The following CDKL5 variants were observed in gnomAD, a reference collection of about 807,000 sequenced individuals.
The protein encoded by CDKL5 is cyclin dependent kinase like 5.
A neutral mutation model predicts 61.7 loss-of-function variants in CDKL5; 8 were observed. The observed-to-expected ratio is 0.13, with a 90% CI of 0.08 to 0.23. The LOEUF is 0.23. Ranked by LOEUF, CDKL5 falls within the 10% of genes least tolerant of loss-of-function variation. CDKL5 has a pLI of 1.00. For missense variants in CDKL5, 440 were observed against 734.5 expected (o/e 0.60, Z 4.63); for synonymous variants, 275 against 272.3 (o/e 1.01, Z -0.10).
At chrX:18,612,278 G>A (rs1446942052) in intron 14 of CDKL5, among the ~76,000 whole-genome samples, 2 of 111,786 alleles carry the variant, frequency 1.8e-5, no homozygotes, top group Non-Finnish European at 3.8e-5. Flanking sequence ...ACTAAGAATA[G>A]ATTTTACATT....
chrX:18,591,568 C>T (rs1925831919), intron 9 of CDKL5, among the ~76,000 whole-genome samples: 1 of 111,337 alleles, frequency 9.0e-6, no homozygotes, highest in South Asian at 3.8e-4. Context: ...TGTTTAGAAA[C>T]CTCTACAAGG....
At chrX:18,429,128 G>A (rs1429576091) in intron 1 of CDKL5, among the ~76,000 whole-genome samples, 1 of 111,390 alleles carries the variant, frequency 9.0e-6, no homozygotes, top group African/African-American at 3.3e-5. Flanking sequence ...GTTGGTGGGC[G>A]TGAAAGCTGA....
At chrX:18,452,288 T>C (rs1324459146) in intron 1 of CDKL5, among the ~76,000 whole-genome samples, 2 of 112,246 alleles carry the variant, frequency 1.8e-5, no homozygotes, top group Non-Finnish European at 3.8e-5. Flanking sequence ...TTGGTTGTCT[T>C]AGATAGTGAA....
At chrX:18,522,201 T>C (rs2147102823) in intron 3 of CDKL5, among the ~76,000 whole-genome samples, 1 of 111,003 alleles carries the variant, frequency 9.0e-6, no homozygotes, top group Admixed American at 9.7e-5. Flanking sequence ...GTTTAACTTC[T>C]TTTAGCAATG....
chrX:18,633,402 C>T lies in CDKL5; in HGVS notation c.*4645C>T, dbSNP rs1927287839. 3 of 751,853 alleles carry T rather than the reference C, an allele frequency of 4.0e-6. No homozygotes were observed. Among genetic ancestry groups the T allele is most frequent in the South Asian group, 6.8e-5 (1 of 14,680 alleles). The allele number at this position is 751,853 out of a possible 1,213,427, so 62.0% of individuals were successfully genotyped here. The stretch of plus-strand genomic sequence containing the variant: ...AGTACAAAGGTTGTAAGTGTCCTGT[C>T]GCTAATTCCCAGGGCCAGAATCTCA... On this transcript the variant is annotated 3_prime_UTR_variant, in exon 18 of 18. Transcript: ENST00000623535.
intron 9 of CDKL5, among the ~76,000 whole-genome samples, chrX:18,594,274 A>G (rs1925920618): frequency 8.9e-6 from 1 of 112,107 alleles, no homozygotes; most frequent in South Asian, 3.7e-4. Flanking sequence ...TCTGCCAGTC[A>G]TATTACCCAA....
chrX:18,551,954 A>G (rs1209136316), intron 3 of CDKL5, among the ~76,000 whole-genome samples: 1 of 110,291 alleles, frequency 9.1e-6, no homozygotes, highest in Non-Finnish European at 1.9e-5. Context: ...TGTCCTTAAA[A>G]AAACCGAAAT....
At chrX:18,502,414 A>G (rs937799010) in intron 1 of CDKL5, among the ~76,000 whole-genome samples, 9 of 112,088 alleles carry the variant, frequency 8.0e-5, no homozygotes. Context: ...CCAGTGAACT[A>G]AAGTTTTCTA....
rs377661443 is a variant in CDKL5 at position 18,591,804 on chromosome X, A to AAAT, written c.745-3543_745-3541dup. 6.4e-3 allele frequency among the ~76,000 whole-genome samples: 708 copies of AAAT among 111,373 alleles called. 8 individuals are homozygous for AAAT. The highest frequency in any genetic ancestry group is 0.021 in the African/African-American group (657 of 30,631). ...CTCCTTCCTCCCCTAGACTCAGGCC[A>AAAT]AATGTCCTCCCTCCGTGAAGACCTT... On this transcript the variant is annotated intron_variant, in intron 9 of 17. Coordinates refer to ENST00000623535, the MANE Select transcript of CDKL5 (RefSeq NM_001323289.2).
chrX:18,598,391 A>C, intron 10 of CDKL5, 71 bp from the exon 11 acceptor site: 1 of 880,584 alleles, frequency 1.1e-6, no homozygotes, highest in Non-Finnish European at 1.7e-6. Flanking sequence ...TAAGGAAAAA[A>C]ATAAGGTTTT....
Position 18,483,583 on chromosome X carries a change from A to AT in CDKL5, c.-162-23342dup, listed in dbSNP as rs1322471371. ...AGGCACCCAACACCACACCTGGCTA[A>AT]TTTTTTTTTTGCAATTTTAGTAGAG... On this transcript the variant is annotated intron_variant, in intron 1 of 17. Coordinates refer to ENST00000623535, the MANE Select transcript of CDKL5 (RefSeq NM_001323289.2). 9.5e-3 allele frequency among the ~76,000 whole-genome samples: 1,000 copies of AT among 105,664 alleles called. 3 individuals carry two copies. Among genetic ancestry groups the AT allele is most frequent in the Middle Eastern group, 0.039 (8 of 206 alleles). The allele number at this position is 105,664 out of a possible 115,157, so 91.8% of individuals were successfully genotyped here.
intron 1 of CDKL5, among the ~76,000 whole-genome samples, chrX:18,468,158 T>C (rs750136198): frequency 1.8e-5 from 2 of 111,544 alleles, no homozygotes; most frequent in Non-Finnish European, 3.8e-5. Flanking sequence ...GTTTTCCAAT[T>C]TGAAAAAAAT....
chrX:18,616,262 T>A (rs1263671831), intron 15 of CDKL5, among the ~76,000 whole-genome samples: 1 of 111,970 alleles, frequency 8.9e-6, no homozygotes, highest in Admixed American at 9.4e-5. Context: ...AATGTATAAA[T>A]ATGTTTAGAA....
intron 9 of CDKL5, among the ~76,000 whole-genome samples, chrX:18,593,544 G>T (rs775272124): frequency 1.8e-5 from 2 of 111,254 alleles, no homozygotes; most frequent in Non-Finnish European, 3.8e-5. Flanking sequence ...AACATCGAAG[G>T]GAGCCTCTGT....
chrX:18,523,379 A>G (rs762370769), intron 3 of CDKL5, among the ~76,000 whole-genome samples: 1 of 111,203 alleles, frequency 9.0e-6, no homozygotes, highest in Non-Finnish European at 1.9e-5. Flanking sequence ...ATATTACAGT[A>G]TTTGTCCTTT....
At chrX:18,517,962 G>A (rs1923082934) in intron 3 of CDKL5, among the ~76,000 whole-genome samples, 1 of 111,340 alleles carries the variant, frequency 9.0e-6, no homozygotes, top group African/African-American at 3.3e-5. Context: ...CGGAGATTGG[G>A]CCACTGCACT....
chrX:18,613,093 TAA>T (rs368997720), intron 14 of CDKL5, 57 bp from the exon 15 acceptor site: 16,103 of 720,205 alleles, frequency 0.022, no homozygotes, highest in Non-Finnish European at 0.025. Flanking sequence ...AGACTCTGTC[TAA>T]AAAAAAAAAA....
At chrX:18,619,674 G>C (rs148179970) in intron 15 of CDKL5, among the ~76,000 whole-genome samples, 193 bp from the exon 16 acceptor site, 1 of 111,931 alleles carries the variant, frequency 8.9e-6, no homozygotes, top group Admixed American at 9.5e-5. Flanking sequence ...GCCTGTGCCA[G>C]AGGATAATCA....
chrX:18,584,192 T>G (rs1925569446), intron 7 of CDKL5, 71 bp from the exon 8 acceptor site: 1 of 650,075 alleles, frequency 1.5e-6, no homozygotes, highest in Admixed American at 2.2e-5. Context: ...TTACTAGCGC[T>G]GAAATATTTT....
Sources: allele counts gnomAD v4.1 joint callset (sites outside exome capture counted in the v4.1 genomes callset), GRCh38; gene constraint gnomAD v4.1.1; transcripts MANE v1.5; gene names NCBI Gene and HGNC (gene_info 2026-07-23, HGNC 2026-07-21).